LUZP2: variants seen among roughly 807,000 people sequenced by gnomAD.
LUZP2 encodes leucine zipper protein 2.
LUZP2 carries 52 observed loss-of-function variants against 51.6 expected under a neutral mutation model. The ratio of observed to expected loss-of-function variants is 1.01; its 90% CI spans 0.81 to 1.27. LUZP2 has a LOEUF of 1.27. Ranked by LOEUF, LUZP2 falls within the 50% of genes most tolerant of loss-of-function variation. The pLI is 0.00. For synonymous variants in LUZP2, 154 were observed against 137.3 expected (o/e 1.12, Z -0.85); for missense variants, 436 against 395.4 (o/e 1.10, Z -0.87).
chr11:25,026,302 A>AAAAAT (rs869169172), intron 9 of LUZP2, among the ~76,000 whole-genome samples: 1 of 152,140 alleles, frequency 6.6e-6, no homozygotes, highest in African/African-American at 2.4e-5. Flanking sequence ...AAAAACATGT[A>AAAAAT]AAAATAAAAT....
intron 1 of LUZP2, among the ~76,000 whole-genome samples, chr11:24,564,161 C>T (rs1852144118): frequency 6.6e-6 from 1 of 152,070 alleles, no homozygotes; most frequent in Admixed American, 6.6e-5. Context: ...CCTTCTCAAA[C>T]ACATGTATTC....
At chr11:24,760,358 G>C (rs933292957) in intron 4 of LUZP2, among the ~76,000 whole-genome samples, 2 of 152,050 alleles carry the variant, frequency 1.3e-5, no homozygotes, top group South Asian at 4.2e-4. Flanking sequence ...CTGAGTGGAG[G>C]AGTCCATTCA....
At chr11:24,708,949 C>G (rs1202069145) in intron 1 of LUZP2, among the ~76,000 whole-genome samples, 1 of 152,174 alleles carries the variant, frequency 6.6e-6, no homozygotes, top group Non-Finnish European at 1.5e-5. Context: ...ATTACCAAAG[C>G]TGTTTTCACA....
chr11:24,772,572 G>A (rs1010690131), intron 5 of LUZP2, among the ~76,000 whole-genome samples: 20 of 152,078 alleles, frequency 1.3e-4, no homozygotes, highest in Non-Finnish European at 2.1e-4. Flanking sequence ...TCAACTGATT[G>A]TTCTGGTTAA....
chr11:24,660,299 A>G (rs1257853155), intron 1 of LUZP2, among the ~76,000 whole-genome samples: 1 of 152,176 alleles, frequency 6.6e-6, no homozygotes. Flanking sequence ...CAAAAGAAAT[A>G]AAATAATGGG....
chr11:24,869,834 A>G (rs577317322), intron 5 of LUZP2, among the ~76,000 whole-genome samples: 1 of 152,292 alleles, frequency 6.6e-6, no homozygotes, highest in African/African-American at 2.4e-5. Flanking sequence ...AATGAAAGAA[A>G]GAGTCGCAAG....
intron 1 of LUZP2, among the ~76,000 whole-genome samples, chr11:24,578,744 CAT>C (rs2133817163): frequency 6.6e-6 from 1 of 152,104 alleles, no homozygotes; most frequent in East Asian, 1.9e-4. Context: ...TACTCACTGA[CAT>C]AGAGACAGAA....
chr11:24,928,337 A>G (rs763701916), intron 7 of LUZP2, among the ~76,000 whole-genome samples: 25 of 151,732 alleles, frequency 1.6e-4, no homozygotes, highest in Admixed American at 5.3e-4. Context: ...AATGCTTTCA[A>G]CTTCTCCTTG....
At chr11:24,918,617 G>T (rs552287411) in intron 7 of LUZP2, among the ~76,000 whole-genome samples, 1 of 150,558 alleles carries the variant, frequency 6.6e-6, no homozygotes, top group Admixed American at 6.7e-5. Flanking sequence ...GCTTTTTTTA[G>T]ATTTGACAAA....
At chr11:24,972,168 G>C (rs921665324) in intron 7 of LUZP2, among the ~76,000 whole-genome samples, 2 of 106,288 alleles carry the variant, frequency 1.9e-5, no homozygotes, top group South Asian at 6.5e-4. Flanking sequence ...AAAAACACTT[G>C]GGCATGAATG....
intron 5 of LUZP2, among the ~76,000 whole-genome samples, chr11:24,867,378 G>A (rs1002761334): frequency 6.6e-6 from 1 of 152,156 alleles, no homozygotes; most frequent in Non-Finnish European, 1.5e-5. Flanking sequence ...TGGGTTTAGT[G>A]TCTATTTTGC....
intron 5 of LUZP2, among the ~76,000 whole-genome samples, chr11:24,851,677 T>C (rs1029208869): frequency 6.6e-6 from 1 of 152,146 alleles, no homozygotes; most frequent in Admixed American, 6.5e-5. Context: ...TGTGGAATAG[T>C]TTCAGAAAAA....
At chr11:24,516,165 A>T (rs2133788467) in intron 1 of LUZP2, among the ~76,000 whole-genome samples, 1 of 152,312 alleles carries the variant, frequency 6.6e-6, no homozygotes, top group South Asian at 2.1e-4. Flanking sequence ...TTGAAGATTA[A>T]CAGATTAACA....
chr11:24,667,662 T>C (rs867736822), intron 1 of LUZP2, among the ~76,000 whole-genome samples: 1 of 152,258 alleles, frequency 6.6e-6, no homozygotes, highest in East Asian at 1.9e-4. Flanking sequence ...CTAAGAGCAT[T>C]TAACTCCCAA....
Position 24,692,272 on chromosome 11 carries a change from T to A in LUZP2, c.63-36897T>A, listed in dbSNP as rs188336338. 3.9e-3 allele frequency among the ~76,000 whole-genome samples: 599 copies of A among 152,086 alleles called. 4 individuals are homozygous for A. The highest frequency in any genetic ancestry group is 0.014 in the African/African-American group (568 of 41,546). ...TTACCCAAATGGCCCCAACTCATCC[T>A]ATGCAGAAGCAAAAAGTGCTGAAAA... On this transcript the variant is annotated intron_variant, in intron 1 of 11. Coordinates refer to ENST00000336930, the MANE Select transcript of LUZP2 (RefSeq NM_001009909.4).
At chr11:24,699,445 C>T (rs193081115) in intron 1 of LUZP2, among the ~76,000 whole-genome samples, 11 of 152,124 alleles carry the variant, frequency 7.2e-5, no homozygotes, top group African/African-American at 2.4e-4. Context: ...AATTGACAGA[C>T]ATTACAGATG....
intron 1 of LUZP2, among the ~76,000 whole-genome samples, chr11:24,620,126 A>G (rs749706370): frequency 5.3e-5 from 8 of 152,216 alleles, no homozygotes; most frequent in Non-Finnish European, 1.0e-4. Flanking sequence ...CAGTGAGTCT[A>G]AAGCCAAAAT....
intron 1 of LUZP2, among the ~76,000 whole-genome samples, chr11:24,658,410 A>G (rs980222716): frequency 1.3e-5 from 2 of 152,232 alleles, no homozygotes; most frequent in African/African-American, 4.8e-5. Context: ...CTAACACCTT[A>G]TAGAAAAATT....
intron 5 of LUZP2, among the ~76,000 whole-genome samples, chr11:24,888,910 C>T (rs1031154038): frequency 1.3e-5 from 2 of 152,172 alleles, no homozygotes; most frequent in Admixed American, 6.5e-5. Flanking sequence ...CTTGCTTCCC[C>T]TTCATCTTCA....
Sources: allele counts gnomAD v4.1 joint callset (sites outside exome capture counted in the v4.1 genomes callset), GRCh38; gene constraint gnomAD v4.1.1; transcripts MANE v1.5; gene names NCBI Gene and HGNC (gene_info 2026-07-23, HGNC 2026-07-21).